COL25A1: variants seen among roughly 807,000 people sequenced by gnomAD.
COL25A1 encodes collagen alpha-1(XXV) chain.
Under a neutral mutation model 128.4 loss-of-function variants are expected in COL25A1, and 103 were observed. The ratio of observed to expected loss-of-function variants is 0.80; its 90% CI spans 0.68 to 0.94. The LOEUF (loss-of-function observed/expected upper bound fraction) is 0.94. Ranked by LOEUF, COL25A1 falls within the 40% of genes least tolerant of loss-of-function variation. COL25A1 has a pLI of 0.00. For synonymous variants in COL25A1, 279 were observed against 277.2 expected (o/e 1.01, Z -0.06); for missense variants, 745 against 840.0 (o/e 0.89, Z 1.40).
intron 11 of COL25A1, among the ~76,000 whole-genome samples, chr4:108,928,785 G>C (rs1383271131): frequency 2.0e-5 from 3 of 152,086 alleles, no homozygotes; most frequent in Non-Finnish European, 2.9e-5. Flanking sequence ...CTGAGCTCAA[G>C]TGATCCACCC....
chr4:109,006,065 C>T (rs1176851125), intron 6 of COL25A1, among the ~76,000 whole-genome samples: 1 of 152,120 alleles, frequency 6.6e-6, no homozygotes, highest in East Asian at 1.9e-4. Flanking sequence ...AGAAGATAAT[C>T]AAAATTTCAA....
intron 6 of COL25A1, among the ~76,000 whole-genome samples, chr4:108,978,992 T>C (rs1327229506): frequency 1.3e-5 from 2 of 152,234 alleles, no homozygotes; most frequent in Non-Finnish European, 2.9e-5. Context: ...GTTAATTACA[T>C]TAATAAGTAC....
chr4:109,174,767 G>C (rs577544385), intron 3 of COL25A1, among the ~76,000 whole-genome samples: 1 of 152,316 alleles, frequency 6.6e-6, no homozygotes, highest in Admixed American at 6.5e-5. Flanking sequence ...ACTATTGAAT[G>C]CAAAATTAAA....
At position 108,906,335 on chromosome 4, in the gene COL25A1, C is replaced by T. The variant is rs72897044; in HGVS notation, c.781-5163G>A. ...TAACGGACCTCCTATGTTTTTTCCT[C>T]GGATAGCTATAGGATTGCTCTCTCA... is the stretch of plus-strand genomic sequence containing the variant. On this transcript the variant is annotated intron_variant, in intron 13 of 37. Coordinates refer to ENST00000399132, the MANE Select transcript of COL25A1 (RefSeq NM_198721.4). Among the ~76,000 whole-genome samples, 839 of 152,162 alleles carry T rather than the reference C, an allele frequency of 5.5e-3. 11 individuals are homozygous for T. Among genetic ancestry groups the T allele is most frequent in the African/African-American group, 0.017 (719 of 41,494 alleles).
chr4:109,237,435 T>C (rs1197079369), intron 3 of COL25A1, among the ~76,000 whole-genome samples: 1 of 151,924 alleles, frequency 6.6e-6, no homozygotes, highest in Non-Finnish European at 1.5e-5. Context: ...TCCACCCAGA[T>C]GGAACTTTTC....
chr4:108,887,089 A>G (rs1740922878), intron 18 of COL25A1, among the ~76,000 whole-genome samples: 1 of 152,190 alleles, frequency 6.6e-6, no homozygotes, highest in African/African-American at 2.4e-5. Context: ...CAACTCACAC[A>G]TCAATCACAT....
intron 3 of COL25A1, among the ~76,000 whole-genome samples, chr4:109,072,494 T>C (rs948912396): frequency 6.6e-6 from 1 of 152,192 alleles, no homozygotes; most frequent in Non-Finnish European, 1.5e-5. Context: ...TTCTTTCTCA[T>C]GTAAAATGTA....
intron 3 of COL25A1, among the ~76,000 whole-genome samples, chr4:109,216,516 C>T (rs922755613): frequency 1.3e-5 from 2 of 151,992 alleles, no homozygotes; most frequent in Non-Finnish European, 2.9e-5. Flanking sequence ...AGAGTAGGTC[C>T]TAATCCAGTA....
chr4:108,925,110 A>G (rs1290560705), intron 11 of COL25A1, among the ~76,000 whole-genome samples: 2 of 152,130 alleles, frequency 1.3e-5, no homozygotes, highest in Non-Finnish European at 2.9e-5. Flanking sequence ...CACTCACATA[A>G]TAGTTTTTAA....
chr4:109,272,817 A>G (rs1404372731), intron 3 of COL25A1, among the ~76,000 whole-genome samples: 1 of 152,068 alleles, frequency 6.6e-6, no homozygotes, highest in African/African-American at 2.4e-5. Context: ...CAGGCAGAGA[A>G]TGAGAGTGCT....
chr4:108,863,190 T>C (rs1737471108), intron 21 of COL25A1, 129 bp downstream of exon 21: 1 of 829,430 alleles, frequency 1.2e-6, no homozygotes, highest in Non-Finnish European at 2.0e-6. Flanking sequence ...AACCAGTTGG[T>C]GTGCATTTCA....
chr4:108,936,523 C>T (rs571632381), intron 11 of COL25A1, among the ~76,000 whole-genome samples: 3 of 152,108 alleles, frequency 2.0e-5, no homozygotes, highest in East Asian at 1.9e-4. Context: ...GCCGAGATCG[C>T]GCCACTGCAC....
chr4:108,862,506 A>G lies in COL25A1; in HGVS notation c.1192T>C (p.Ser398Pro). The change falls in exon 22 of 38, where the codon TCA (serine) becomes CCA (proline). Residue 398 changes from serine (S) to proline (P), a missense_variant. Coordinates refer to ENST00000399132, the MANE Select transcript of COL25A1 (RefSeq NM_198721.4). ...GESGTRGPKGSKGDRGEKGDS... is the reference protein window; with the variant it reads ...GESGTRGPKGPKGDRGEKGDS... ...ATGGTTATCTGGTTACTGACCTTTGACCCCTTTGGGCCTCTAGTTCCTGAT... is the reference window on the plus strand; with the variant it reads ...ATGGTTATCTGGTTACTGACCTTTGGCCCCTTTGGGCCTCTAGTTCCTGAT... 6.2e-7 allele frequency: 1 copy of G among 1,610,812 alleles called. No individual in the cohort carries two copies. The highest frequency in any genetic ancestry group is 8.5e-7 in the Non-Finnish European group (1 of 1,177,108).
intron 3 of COL25A1, among the ~76,000 whole-genome samples, chr4:109,250,301 TGG>T (rs74799243): frequency 1.3e-5 from 2 of 149,274 alleles, no homozygotes; most frequent in African/African-American, 2.5e-5. Context: ...CACAAATATC[TGG>T]GGGGGGAGGT....
At chr4:109,091,909 A>G in intron 3 of COL25A1, among the ~76,000 whole-genome samples, 1 of 152,296 alleles carries the variant, frequency 6.6e-6, no homozygotes, top group East Asian at 1.9e-4. Flanking sequence ...GATGTGAGCC[A>G]GCGCTGTATG....
chr4:109,199,427 G>A lies in COL25A1; in HGVS notation c.367+101156C>T, dbSNP rs76773797. 8.2e-3 allele frequency among the ~76,000 whole-genome samples: 1,253 copies of A among 152,174 alleles called. 12 individuals carry two copies. The highest frequency in any genetic ancestry group is 0.014 in the Non-Finnish European group (960 of 68,010). On this transcript the variant is annotated intron_variant, in intron 3 of 37. Coordinates refer to ENST00000399132, the MANE Select transcript of COL25A1 (RefSeq NM_198721.4). ...TTGCAAGTGTTGGGATTATAGGCATGAGCCACCGTGCCCAGTCAAAATTGG... is the reference window on the plus strand; with the variant it reads ...TTGCAAGTGTTGGGATTATAGGCATAAGCCACCGTGCCCAGTCAAAATTGG...
At chr4:109,068,049 C>T (rs1306863649) in intron 3 of COL25A1, among the ~76,000 whole-genome samples, 4 of 152,128 alleles carry the variant, frequency 2.6e-5, no homozygotes, top group Non-Finnish European at 2.9e-5. Context: ...TACTGGGGTG[C>T]GTGCCATTGC....
chr4:108,946,263 C>T (rs1274094869), intron 8 of COL25A1, among the ~76,000 whole-genome samples: 1 of 152,124 alleles, frequency 6.6e-6, no homozygotes, highest in East Asian at 1.9e-4. Context: ...ATAAGAAATG[C>T]TTCCAACTAC....
chr4:109,016,890 A>G (rs1222024756), intron 5 of COL25A1, among the ~76,000 whole-genome samples: 1 of 152,238 alleles, frequency 6.6e-6, no homozygotes, highest in African/African-American at 2.4e-5. Flanking sequence ...TGAATGTGGG[A>G]CAAGAACTTG....
Sources: allele counts gnomAD v4.1 joint callset (sites outside exome capture counted in the v4.1 genomes callset), GRCh38; gene constraint gnomAD v4.1.1; transcripts MANE v1.5; gene names NCBI Gene and HGNC (gene_info 2026-07-23, HGNC 2026-07-21).